Variants in EEIG1 observed in about 807,000 individuals in gnomAD.
The protein encoded by EEIG1 is estrogen-induced osteoclastogenesis regulator 1.
chr9:127,957,073 A>T, the EEIG1 span, among the ~76,000 whole-genome samples: 3 of 152,110 alleles, frequency 2.0e-5, no homozygotes, highest in African/African-American at 7.2e-5. Context: ...TGGGAGGCCG[A>T]GGCGGGCATG....
the EEIG1 span, chr9:127,945,287 G>T: frequency 2.5e-6 from 3 of 1,179,024 alleles, no homozygotes; most frequent in Non-Finnish European, 2.4e-6. The surrounding 1 kb of genome is among the most constrained non-coding windows in gnomAD (Gnocchi z 6.5). Context: ...CGGTCCCTGT[G>T]TTATAGGTAA....
the EEIG1 span, chr9:127,980,188 G>A: frequency 3.1e-4 from 484 of 1,566,218 alleles, no homozygotes; most frequent in Non-Finnish European, 2.9e-4. Context: ...GGTGGAGAGG[G>A]ACGGGATTCC....
At chr9:127,953,775 C>A in the EEIG1 span, 1 of 1,613,978 alleles carries the variant, frequency 6.2e-7, no homozygotes, top group Non-Finnish European at 8.5e-7. Context: ...TAGCCCAGCC[C>A]AGCAGCCCCA....
At chr9:127,980,060 G>A in the EEIG1 span, 1 of 1,613,930 alleles carries the variant, frequency 6.2e-7, no homozygotes, top group Non-Finnish European at 8.5e-7. Context: ...CCCCGTTCAC[G>A]AAGGGAACCG....
the EEIG1 span, chr9:127,948,028 C>T: frequency 1.5e-5 from 24 of 1,580,552 alleles, no homozygotes; most frequent in South Asian, 2.3e-5. Flanking sequence ...GTAAACCCCT[C>T]GGGCCGCTAG....
the EEIG1 span, among the ~76,000 whole-genome samples, chr9:127,980,973 G>A: frequency 8.7e-5 from 13 of 149,312 alleles, no homozygotes; most frequent in African/African-American, 1.5e-4. Flanking sequence ...GATGCTGCGA[G>A]GCGCCGCTTG....
At chr9:127,970,058 A>T in the EEIG1 span, among the ~76,000 whole-genome samples, 1 of 152,120 alleles carries the variant, frequency 6.6e-6, no homozygotes, top group Non-Finnish European at 1.5e-5. Flanking sequence ...CTCAGCAAAG[A>T]CAGCACTGCC....
chr9:127,966,443 G>T, the EEIG1 span, among the ~76,000 whole-genome samples: 1 of 111,114 alleles, frequency 9.0e-6, no homozygotes, highest in African/African-American at 3.4e-5. Context: ...CCCCATCTCC[G>T]AAAAAAAAAA....
chr9:127,946,611 C>T, the EEIG1 span, among the ~76,000 whole-genome samples: 2 of 152,246 alleles, frequency 1.3e-5, no homozygotes, highest in African/African-American at 2.4e-5. Flanking sequence ...CACACGAAGG[C>T]ACCACCTGCG....
the EEIG1 span, chr9:127,953,534 C>T: frequency 1.0e-5 from 16 of 1,599,784 alleles, no homozygotes; most frequent in Non-Finnish European, 1.4e-5. Context: ...CCATGCCACC[C>T]CCCATTCCAT....
chr9:127,950,846 A>C, the EEIG1 span: 1 of 412,338 alleles, frequency 2.4e-6, no homozygotes, highest in Non-Finnish European at 3.8e-6. Context: ...CGTGACACAG[A>C]TGCATTGTTC....
At chr9:127,944,540 G>A in the EEIG1 span, 10 of 1,085,396 alleles carry the variant, frequency 9.2e-6, no homozygotes, top group Non-Finnish European at 9.7e-6. Context: ...AAGGCCAGGT[G>A]AGTGGACTGT....
chr9:127,944,999 G>C, the EEIG1 span: 1 of 1,388,060 alleles, frequency 7.2e-7, no homozygotes, highest in African/African-American at 1.4e-5. Flanking sequence ...GCGGCGCTCA[G>C]AATGTCCCTG....
chr9:127,958,658 C>T, the EEIG1 span, among the ~76,000 whole-genome samples: 183 of 151,606 alleles, frequency 1.2e-3, no homozygotes, highest in Admixed American at 4.2e-3. Flanking sequence ...CAGTGAAACC[C>T]TATCTTAAAA....
chr9:127,968,066 C>G, the EEIG1 span, among the ~76,000 whole-genome samples: 9 of 146,134 alleles, frequency 6.2e-5, no homozygotes, highest in South Asian at 1.5e-3. Flanking sequence ...TCCTAAGTAG[C>G]TGGGATTACA....
the EEIG1 span, among the ~76,000 whole-genome samples, chr9:127,971,970 G>A: frequency 6.6e-6 from 1 of 152,134 alleles, no homozygotes; most frequent in Non-Finnish European, 1.5e-5. Flanking sequence ...GCCTGATGCC[G>A]GGAGTGGCGG....
chr9:127,970,521 A>G, the EEIG1 span, among the ~76,000 whole-genome samples: 2 of 152,176 alleles, frequency 1.3e-5, no homozygotes, highest in Non-Finnish European at 2.9e-5. Flanking sequence ...AGCACTGCAC[A>G]GTATGCCTCG....
At chr9:127,974,895 T>C in the EEIG1 span, among the ~76,000 whole-genome samples, 1 of 152,144 alleles carries the variant, frequency 6.6e-6, no homozygotes, top group Non-Finnish European at 1.5e-5. Context: ...CCAGAGCTCC[T>C]GCTCTGTGAA....
the EEIG1 span, chr9:127,944,494 C>A: frequency 2.8e-6 from 2 of 719,628 alleles, no homozygotes; most frequent in Admixed American, 2.1e-5. Context: ...ACATGACAGG[C>A]CCAGGGTCAC....
Sources: gnomAD v4.1 joint callset for allele counts (sites outside exome capture counted in the v4.1 genomes callset) on GRCh38, gnomAD v4.1.1 for gene constraint, Gnocchi (gnomAD v3.1) non-coding constraint, MANE v1.5 for transcripts, NCBI Gene and HGNC (gene_info 2026-07-23, HGNC 2026-07-21) for gene names.